The following CACNA1I variants were observed in gnomAD, a reference collection of about 807,000 sequenced individuals.
The protein encoded by CACNA1I is calcium voltage-gated channel subunit alpha1 I.
A neutral mutation model predicts 201.6 loss-of-function variants in CACNA1I; 74 were observed. The observed-to-expected ratio is 0.37, with a 90% confidence interval of 0.30 to 0.45. The LOEUF is 0.45. Ranked by LOEUF, CACNA1I falls within the 20% of genes least tolerant of loss-of-function variation. The pLI is 1.00. For synonymous variants in CACNA1I, 1,431 were observed against 1,345.2 expected, an observed-to-expected ratio of 1.06 and a Z score of -1.40; for missense variants, 2,346 against 3,138.1, an observed-to-expected ratio of 0.75 and a Z score of 6.03.
chr22:39,687,791 C>T lies in CACNA1I; in HGVS notation c.*1386C>T, dbSNP rs554286566. ...TATTGGGAAAAAAATGCATTGAACC[C>T]GTGATTTCACAGACATTTTGCTTAG... On this transcript the variant is annotated 3_prime_UTR_variant, in exon 37 of 37. Coordinates refer to ENST00000402142, the MANE Select transcript of CACNA1I (RefSeq NM_021096.4). 2.6e-5 allele frequency: 4 copies of T among 152,298 alleles called. No homozygotes were observed. The highest frequency in any genetic ancestry group is 4.4e-5 in the Non-Finnish European group (3 of 68,032). 9.4% of individuals were successfully genotyped at this position (152,298 alleles called of 1,614,324 possible). A position where few individuals can be genotyped will look rare whatever the true frequency, so the allele number is the denominator to read the frequency against.
Position 39,665,733 on chromosome 22 carries a change from C to T in CACNA1I, c.3978+109C>T. ...ATTCCAACCTCATGCGCCTTGCCAG[C>T]TGTGGGCTTCTCCTCCAGGGAGGGA... On this transcript the variant is annotated intron_variant, in intron 22 of 36. Coordinates refer to ENST00000402142, the MANE Select transcript of CACNA1I (RefSeq NM_021096.4). This position sits in a 1 kb window ranked among gnomAD's most constrained non-coding sequence, Gnocchi z 5.5. 2.6e-6 allele frequency: 4 copies of T among 1,538,246 alleles called. No homozygotes were observed. The highest frequency in any genetic ancestry group is 1.7e-4 in the Middle Eastern group (1 of 5,850).
At chr22:39,633,777 C>T (rs1268637222) in intron 4 of CACNA1I, among the ~76,000 whole-genome samples, 1 of 152,150 alleles carries the variant, frequency 6.6e-6, no homozygotes, top group East Asian at 1.9e-4. Context: ...TCAAAGGTGC[C>T]CCACCAGCTC....
Position 39,678,099 on chromosome 22 carries a change from G to T in CACNA1I, c.5046G>T (p.Gly1682=), listed in dbSNP as rs749507814. 4 of 1,611,828 alleles carry T rather than the reference G, an allele frequency of 2.5e-6. No individual in the cohort carries two copies. The South Asian group carries it at 3.3e-5, about 13-fold the overall frequency. ...TCTCCACGGGTGACAACTGGAACGG[G>T]ATCATGAAGGTACTCCTGGGCGGGC... The part of the protein sequence containing the change: ...FQVSTGDNWN[G]IMKDTLRDCT... Residue 1682 remains glycine (G), a synonymous_variant, in exon 31 of 37, where the codon GGG becomes GGT. Coordinates refer to ENST00000402142, the MANE Select transcript of CACNA1I (RefSeq NM_021096.4).
chr22:39,605,932 G>A (rs2146376534), intron 3 of CACNA1I, among the ~76,000 whole-genome samples: 1 of 152,240 alleles, frequency 6.6e-6, no homozygotes, highest in African/African-American at 2.4e-5. Flanking sequence ...AGAAGGGCAA[G>A]GGCTTCATTG....
rs1353794414 is a variant in CACNA1I, at chr22:39,679,530, C to A, written c.5394+85C>A. 3.6e-6 allele frequency: 4 copies of A among 1,118,366 alleles called. No homozygotes were observed. In the African/African-American group the frequency reaches 4.7e-5, roughly 13 times the overall value. 69.3% of individuals were successfully genotyped at this position (1,118,366 alleles called of 1,614,324 possible). A position where few individuals can be genotyped will look rare whatever the true frequency, so the allele number is the denominator to read the frequency against. On this transcript the variant is annotated intron_variant, in intron 32 of 36. Transcript: ENST00000402142. Reference sequence around the variant, plus strand: ...GGGCAGCAGGGCCAGGGAGGCCTTGCACAGAGACCTCTGTCTTTCTGGGCC... The same window carrying A: ...GGGCAGCAGGGCCAGGGAGGCCTTGAACAGAGACCTCTGTCTTTCTGGGCC...
rs370960257 is a variant in CACNA1I, at chr22:39,598,241, C to G, written c.327C>G (p.Ser109=). 4.7e-5 allele frequency: 75 copies of G among 1,599,608 alleles called. No individual in the cohort carries two copies. The highest frequency in any genetic ancestry group is 6.0e-5 in the Non-Finnish European group (71 of 1,173,836). Residue 109 remains serine (S), a synonymous_variant, in exon 2 of 37, where the codon TCC becomes TCG. Coordinates refer to ENST00000402142, the MANE Select transcript of CACNA1I (RefSeq NM_021096.4). ...YQPCDDMDCL[S]DRCKILQVFD... is the part of the protein sequence containing the mutation. ...CGTGCGACGACATGGACTGCCTGTC[C>G]GACCGCTGCAAGATCCTGCAGGTGA...
At chr22:39,613,913 C>T (rs2146385836) in intron 3 of CACNA1I, among the ~76,000 whole-genome samples, 1 of 152,232 alleles carries the variant, frequency 6.6e-6, no homozygotes, top group African/African-American at 2.4e-5. Context: ...TCTCAGCTCA[C>T]TGCAACCTCC....
chr22:39,618,965 G>A (rs1933645129), intron 3 of CACNA1I, among the ~76,000 whole-genome samples: 1 of 152,208 alleles, frequency 6.6e-6, no homozygotes, highest in Non-Finnish European at 1.5e-5. Context: ...CACTTTCAGA[G>A]GCTGCTGTGG....
chr22:39,672,092 G>A (rs978231320), intron 26 of CACNA1I, 107 bp from the exon 27 acceptor site: 1 of 695,320 alleles, frequency 1.4e-6, no homozygotes, highest in Non-Finnish European at 2.6e-6. Flanking sequence ...TACACTAAAA[G>A]TAAATGGACT....
intron 34 of CACNA1I, among the ~76,000 whole-genome samples, chr22:39,681,349 C>G (rs765032690): frequency 1.3e-5 from 2 of 152,200 alleles, no homozygotes; most frequent in Non-Finnish European, 2.9e-5. Flanking sequence ...CATCCCTGGC[C>G]GGCGGGGCTG....
chr22:39,605,575 GC>G (rs1235429478), intron 3 of CACNA1I, among the ~76,000 whole-genome samples: 5 of 152,216 alleles, frequency 3.3e-5, no homozygotes, highest in African/African-American at 9.6e-5. Flanking sequence ...AACAAGACAG[GC>G]CCTTTGTGAT....
intron 1 of CACNA1I, among the ~76,000 whole-genome samples, chr22:39,593,124 G>T (rs1390544534): frequency 1.3e-5 from 2 of 151,740 alleles, no homozygotes; most frequent in African/African-American, 2.4e-5. Context: ...CACTCCATCT[G>T]CCTCCTGCGG....
At chr22:39,656,310 C>T (rs970159613) in intron 10 of CACNA1I, 31 of 476,358 alleles carry the variant, frequency 6.5e-5, no homozygotes, top group Non-Finnish European at 1.2e-4. Flanking sequence ...GGGGCTCCTG[C>T]TCTCGGTCCT....
At chr22:39,628,593 C>T (rs2146405060) in intron 4 of CACNA1I, among the ~76,000 whole-genome samples, 1 of 152,220 alleles carries the variant, frequency 6.6e-6, no homozygotes, top group South Asian at 2.1e-4. Flanking sequence ...GGCACCAAGG[C>T]CCTCCACCAG....
At chr22:39,621,354 C>A (rs1001671358) in intron 4 of CACNA1I, among the ~76,000 whole-genome samples, 3 of 105,374 alleles carry the variant, frequency 2.8e-5, no homozygotes, top group Non-Finnish European at 5.6e-5. Context: ...TGTCCCCATT[C>A]CTTTATTCCT....
At chr22:39,589,994 C>T (rs1394510740) in intron 1 of CACNA1I, among the ~76,000 whole-genome samples, 5 of 152,180 alleles carry the variant, frequency 3.3e-5, no homozygotes, top group African/African-American at 1.2e-4. Context: ...CAGAGCCCCC[C>T]GAATCACAGA....
At position 39,677,319 on chromosome 22, in the gene CACNA1I, G is replaced by A. The variant is rs750964348; in HGVS notation, c.4855-22G>A. 25 of 1,455,818 alleles carry A rather than the reference G, an allele frequency of 1.7e-5. No homozygotes were observed. The highest frequency in any genetic ancestry group is 5.6e-5 in the African/African-American group (4 of 71,384). 90.2% of individuals were successfully genotyped at this position (1,455,818 alleles called of 1,614,324 possible). On this transcript the variant is annotated intron_variant, in intron 29 of 36. Transcript: ENST00000402142. The surrounding 1 kb of genome is among the most constrained non-coding windows in gnomAD (Gnocchi z 4.8). ...CCCCACCCGCTCCCCAGCCCCACCC[G>A]GCCTCACCTGTCCTCCCGCAGGTGG...
intron 1 of CACNA1I, among the ~76,000 whole-genome samples, chr22:39,584,214 G>T (rs914331773): frequency 6.6e-6 from 1 of 152,184 alleles, no homozygotes; most frequent in African/African-American, 2.4e-5. Context: ...GAAAGGAAGG[G>T]TTTAGGTGGT....
Position 39,665,040 on chromosome 22 carries a change from G to T in CACNA1I, c.3851+117G>T. 5 of 947,768 alleles carry T rather than the reference G, an allele frequency of 5.3e-6. No individual in the cohort carries two copies. Among genetic ancestry groups the T allele is most frequent in the Non-Finnish European group, 7.9e-6 (5 of 630,990 alleles). The allele number at this position is 947,768 out of a possible 1,614,324, so 58.7% of individuals were successfully genotyped here. Reference sequence around the variant, plus strand: ...CCCGCCCACTCGGTCCTCCAATAGTGAGTGCCAAACACCCTGAGCTGTTCC... The same window carrying T: ...CCCGCCCACTCGGTCCTCCAATAGTTAGTGCCAAACACCCTGAGCTGTTCC... On this transcript the variant is annotated intron_variant, in intron 21 of 36. Coordinates refer to ENST00000402142, the MANE Select transcript of CACNA1I (RefSeq NM_021096.4). The surrounding 1 kb of genome is among the most constrained non-coding windows in gnomAD (Gnocchi z 5.5).
Sources: allele counts gnomAD v4.1 joint callset (sites outside exome capture counted in the v4.1 genomes callset), GRCh38; gene constraint gnomAD v4.1.1; non-coding constraint Gnocchi (gnomAD v3.1); transcripts MANE v1.5; gene names NCBI Gene and HGNC (gene_info 2026-07-23, HGNC 2026-07-21).